Variants in EFCAB13 observed in about 807,000 individuals in gnomAD.
EFCAB13 encodes the protein EF-hand calcium-binding domain-containing protein 13.
EFCAB13 carries 91 observed loss-of-function variants against 110.2 expected under a neutral mutation model. The observed-to-expected ratio is 0.83, with a 90% confidence interval of 0.70 to 0.98. The LOEUF is 0.98. Ranked by LOEUF, EFCAB13 falls within the 50% of genes least tolerant of loss-of-function variation. The pLI is 0.00. For missense variants in EFCAB13, 968 were observed against 1,119.4 expected (o/e 0.86, Z 1.93); for synonymous variants, 323 against 369.9 (o/e 0.87, Z 1.45).
rs2065791614 is a variant in EFCAB13, at chr17:47,403,932, G to A, written c.2072G>A (p.Gly691Glu). 6.2e-7 allele frequency: 1 copy of A among 1,610,920 alleles called. No homozygotes were observed. The highest frequency in any genetic ancestry group is 8.5e-7 in the Non-Finnish European group (1 of 1,178,350). The change falls in exon 19 of 25, where the codon GGG becomes GAG. Residue 691 changes from glycine (G) to glutamate (E), a missense_variant. Coordinates refer to ENST00000331493, the MANE Select transcript of EFCAB13 (RefSeq NM_152347.5). ...ADLLEGDMIA[G>E]KNLEDFLRNV... ...TTGCTGGAAGGTGACATGATAGCTG[G>A]GAAGAACTTGGAAGACTTTCTAAGA...
intron 20 of EFCAB13, among the ~76,000 whole-genome samples, chr17:47,405,116 T>G (rs1006543931): frequency 1.1e-4 from 16 of 152,208 alleles, no homozygotes; most frequent in African/African-American, 3.4e-4. Flanking sequence ...TATAATTCTG[T>G]GTTCCACTAT....
chr17:47,374,364 G>A, intron 11 of EFCAB13, 108 bp from the exon 12 acceptor site: 1 of 1,025,108 alleles, frequency 9.8e-7, no homozygotes, highest in South Asian at 2.5e-5. Flanking sequence ...ATATGTTTAA[G>A]AAACTGATAA....
At chr17:47,389,578 CT>C (rs551358125) in intron 14 of EFCAB13, among the ~76,000 whole-genome samples, 810 of 135,092 alleles carry the variant, frequency 6.0e-3, no homozygotes, top group Admixed American at 6.0e-3. Flanking sequence ...CTCATTTCAT[CT>C]TTTTTTTTTT....
chr17:47,409,766 T>C, intron 21 of EFCAB13, 75 bp downstream of exon 21: 1 of 1,174,850 alleles, frequency 8.5e-7, no homozygotes, highest in Non-Finnish European at 1.3e-6. Flanking sequence ...CAAGTACCAA[T>C]GTATTTCTCA....
intron 21 of EFCAB13, among the ~76,000 whole-genome samples, chr17:47,412,003 G>T (rs555752930): frequency 1.3e-5 from 2 of 152,330 alleles, no homozygotes; most frequent in East Asian, 3.9e-4. Context: ...GCTGAGGCAG[G>T]AGAATGGCAT....
chr17:47,421,636 A>G (rs1904718635), intron 23 of EFCAB13, among the ~76,000 whole-genome samples: 1 of 80,368 alleles, frequency 1.2e-5, no homozygotes, highest in Admixed American at 1.0e-4. Context: ...AAAAAAAGAA[A>G]GAAAGAAAAA....
Position 47,375,493 on chromosome 17 carries a change from A to T in EFCAB13, c.1372+527A>T, listed in dbSNP as rs115021255. Among the ~76,000 whole-genome samples, 864 of 151,344 alleles carry T rather than the reference A, an allele frequency of 5.7e-3. 11 individuals are homozygous for T. Among genetic ancestry groups the T allele is most frequent in the African/African-American group, 0.02 (830 of 41,170 alleles). The stretch of plus-strand genomic sequence containing the variant: ...TTTTTTTCATAGAGACGGGGGTCCC[A>T]TAATGTTCCCAAGGCTGGTCTTGAA... On this transcript the variant is annotated intron_variant, in intron 12 of 24. Transcript: ENST00000331493.
chr17:47,432,359 C>T (rs911309419), intron 24 of EFCAB13, among the ~76,000 whole-genome samples: 2 of 151,700 alleles, frequency 1.3e-5, no homozygotes, highest in Admixed American at 1.3e-4. Flanking sequence ...GATTGCACCA[C>T]TGCACTCCAG....
chr17:47,335,290 T>G lies in EFCAB13; in HGVS notation c.125T>G (p.Phe42Cys). The G allele has an allele frequency of 6.2e-7, 1 of 1,611,040 alleles. No homozygotes were observed. Among genetic ancestry groups the G allele is most frequent in the Non-Finnish European group, 8.5e-7 (1 of 1,179,098 alleles). ...GTINHKKYIK[F>C]SKTIEKEISP... ...ATTAACCACAAGAAATACATCAAGT[T>G]TTCTAAAACAATAGAGAAGGAAATT... Residue 42 changes from phenylalanine to cysteine, a missense_variant, in exon 5 of 25, where the codon TTT (phenylalanine) becomes TGT (cysteine). By Grantham distance (205) the Phe-to-Cys change is radical (BLOSUM62 -2). Transcript: ENST00000331493.
chr17:47,412,012 A>G (rs2065838073), intron 21 of EFCAB13, among the ~76,000 whole-genome samples: 1 of 152,200 alleles, frequency 6.6e-6, no homozygotes, highest in Non-Finnish European at 1.5e-5. Context: ...GGAGAATGGC[A>G]TGAACCAGGA....
intron 17 of EFCAB13, among the ~76,000 whole-genome samples, chr17:47,398,004 G>A (rs1302084809): frequency 4.7e-5 from 7 of 149,562 alleles, no homozygotes; most frequent in African/African-American, 1.7e-4. Flanking sequence ...CGCCCCGTCC[G>A]GGAGGGAGGT....
intron 8 of EFCAB13, among the ~76,000 whole-genome samples, chr17:47,345,745 C>G (rs1043450763): frequency 1.3e-5 from 2 of 152,168 alleles, no homozygotes; most frequent in African/African-American, 4.8e-5. Flanking sequence ...ACTTCCAGCT[C>G]TTTTTATTTA....
intron 10 of EFCAB13, among the ~76,000 whole-genome samples, chr17:47,363,181 C>T (rs2065525996): frequency 6.6e-6 from 1 of 152,128 alleles, no homozygotes; most frequent in Non-Finnish European, 1.5e-5. Context: ...AATAATCCTC[C>T]CACCTCATCT....
At chr17:47,348,472 T>C (rs2065430217) in intron 9 of EFCAB13, among the ~76,000 whole-genome samples, 1 of 152,144 alleles carries the variant, frequency 6.6e-6, no homozygotes, top group African/African-American at 2.4e-5. Flanking sequence ...AAATTTTAGT[T>C]GTTTAAAAAA....
chr17:47,371,763 A>G (rs2065586091), intron 11 of EFCAB13, among the ~76,000 whole-genome samples: 1 of 151,996 alleles, frequency 6.6e-6, no homozygotes, highest in Admixed American at 6.6e-5. Flanking sequence ...ACAGGCATGC[A>G]TGACCATGCC....
intron 5 of EFCAB13, among the ~76,000 whole-genome samples, chr17:47,338,204 G>A (rs981171489): frequency 1.3e-5 from 2 of 151,826 alleles, no homozygotes; most frequent in Non-Finnish European, 2.9e-5. Context: ...CTCATTAATG[G>A]GTAATGGGTC....
intron 18 of EFCAB13, 23 bp downstream of exon 18, chr17:47,402,226 C>A (rs145070701): frequency 1.3e-6 from 2 of 1,596,068 alleles, no homozygotes; most frequent in East Asian, 2.2e-5. Context: ...TTATTTATAA[C>A]GGTTAGATTT....
In EFCAB13 at chr17:47,354,563, A is replaced by G. The variant is rs556295817; in HGVS notation, c.661+6612A>G. On this transcript the variant is annotated intron_variant, in intron 9 of 24. Coordinates refer to ENST00000331493, the MANE Select transcript of EFCAB13 (RefSeq NM_152347.5). ...ATTTGGGAGCTCCAGTGTTAGGTGC[A>G]TATATGTTTAGGATTACGATATTTT... 5.1e-4 allele frequency among the ~76,000 whole-genome samples: 77 copies of G among 152,266 alleles called. 1 individual carries two copies. The highest frequency in any genetic ancestry group is 8.7e-4 in the Non-Finnish European group (59 of 68,020).
chr17:47,328,039 A>G, intron 3 of EFCAB13: 1 of 468,504 alleles, frequency 2.1e-6, no homozygotes. Flanking sequence ...ATGCCATTTG[A>G]AACTGGATTT....
Sources: gnomAD v4.1 joint callset for allele counts (sites outside exome capture counted in the v4.1 genomes callset) on GRCh38, gnomAD v4.1.1 for gene constraint, MANE v1.5 for transcripts, NCBI Gene and HGNC (gene_info 2026-07-23, HGNC 2026-07-21) for gene names.